Variants in ALCAM observed in about 807,000 individuals in gnomAD.
ALCAM encodes the protein CD166 antigen.
A neutral mutation model predicts 70.9 loss-of-function variants in ALCAM; 30 were observed. The observed-to-expected ratio is 0.42, with a 90% CI of 0.32 to 0.57. The LOEUF (loss-of-function observed/expected upper bound fraction) is 0.57. ALCAM is among the 20% of genes least tolerant of loss of function. The pLI, the probability that ALCAM is intolerant of heterozygous loss-of-function variation, is 0.11. For synonymous variants in ALCAM, 249 were observed against 242.5 expected (o/e 1.03, Z -0.25); for missense variants, 591 against 695.1 (o/e 0.85, Z 1.68).
intron 2 of ALCAM, among the ~76,000 whole-genome samples, chr3:105,523,139 C>CAAAAAAAAAAAA (rs59478384): frequency 1.1e-5 from 1 of 87,024 alleles, no homozygotes; most frequent in African/African-American, 4.9e-5. Context: ...GACTCCGTCT[C>CAAAAAAAAAAAA]AAAAAAAAAA....
chr3:105,457,578 G>A (rs1937551380), intron 1 of ALCAM, among the ~76,000 whole-genome samples: 1 of 151,934 alleles, frequency 6.6e-6, no homozygotes, highest in South Asian at 2.1e-4. Context: ...TTTTTTAAAT[G>A]TTAAGAAAAC....
chr3:105,404,478 G>T (rs551077554), intron 1 of ALCAM, among the ~76,000 whole-genome samples: 142 of 152,190 alleles, frequency 9.3e-4, no homozygotes, highest in African/African-American at 3.1e-3. Context: ...TGTATCCAGT[G>T]AAACTAAGCT....
At chr3:105,472,634 A>T (rs574912109) in intron 1 of ALCAM, among the ~76,000 whole-genome samples, 1 of 151,644 alleles carries the variant, frequency 6.6e-6, no homozygotes, top group Non-Finnish European at 1.5e-5. Flanking sequence ...GATTGTAAAC[A>T]TGAAAAGATC....
intron 1 of ALCAM, among the ~76,000 whole-genome samples, chr3:105,465,242 T>G (rs775953318): frequency 1.4e-4 from 21 of 151,416 alleles, no homozygotes; most frequent in Non-Finnish European, 2.7e-4. Flanking sequence ...AAAAACATCT[T>G]TTCTGAATTG....
chr3:105,572,585 T>C (rs1182538692), intron 15 of ALCAM, among the ~76,000 whole-genome samples: 5 of 152,202 alleles, frequency 3.3e-5, no homozygotes, highest in African/African-American at 7.2e-5. Flanking sequence ...TTATAATTCT[T>C]TGGCTATATA....
At chr3:105,465,272 A>C (rs561488140) in intron 1 of ALCAM, among the ~76,000 whole-genome samples, 1 of 151,544 alleles carries the variant, frequency 6.6e-6, no homozygotes, top group East Asian at 1.9e-4. Flanking sequence ...CGATGTGCAA[A>C]CATAAATTCG....
At chr3:105,391,027 A>C (rs555782178) in intron 1 of ALCAM, among the ~76,000 whole-genome samples, 2 of 151,950 alleles carry the variant, frequency 1.3e-5, no homozygotes. Flanking sequence ...GTCAAGCAGC[A>C]TGATGCCTCC....
chr3:105,441,428 C>T (rs1490579114), intron 1 of ALCAM, among the ~76,000 whole-genome samples: 1 of 152,094 alleles, frequency 6.6e-6, no homozygotes, highest in African/African-American at 2.4e-5. Flanking sequence ...GAGAACATTG[C>T]CACCTTATTC....
intron 1 of ALCAM, among the ~76,000 whole-genome samples, chr3:105,405,997 A>G (rs1342975324): frequency 2.0e-5 from 3 of 152,200 alleles, no homozygotes; most frequent in African/African-American, 7.2e-5. Context: ...CCTGGAAATT[A>G]TCACTAGACC....
rs766954758 is a variant in ALCAM at position 105,534,840 on chromosome 3, T to C, written c.725T>C (p.Ile242Thr). The C allele has an allele frequency of 5.6e-6, 9 of 1,608,108 alleles. No individual in the cohort carries two copies. Among genetic ancestry groups the C allele is most frequent in the Non-Finnish European group, 6.8e-6 (8 of 1,176,494 alleles). ...TIHSEQAVFDIYYPTEQVTIQ... is the reference protein window; with the variant it reads ...TIHSEQAVFDTYYPTEQVTIQ... ...CATTCTGAACAGGCAGTATTTGATA[T>C]TTACTGTAAGTAATTCAATATATAA... is the stretch of plus-strand genomic sequence containing the variant. The change falls in exon 6 of 16, where the codon ATT (isoleucine) becomes ACT (threonine). Residue 242 changes from isoleucine (I) to threonine (T), a missense_variant. Transcript: ENST00000306107.
chr3:105,525,371 A>G, intron 3 of ALCAM: 4 of 979,952 alleles, frequency 4.1e-6, no homozygotes, highest in Non-Finnish European at 4.8e-6. Context: ...AAAGTATTTC[A>G]TCTTTTAAAA....
rs1935097920 is a variant in ALCAM at position 105,367,582 on chromosome 3, G to A, written c.73+101G>A. On this transcript the variant is annotated intron_variant, in intron 1 of 15. Coordinates refer to ENST00000306107, the MANE Select transcript of ALCAM (RefSeq NM_001627.4). The stretch of plus-strand genomic sequence containing the variant: ...CACCCCCGAGGCAGTGCGCCCAGGC[G>A]CGTGGTGGAGGTAAGGGGACCGCTG... The A allele has an allele frequency of 5.0e-6, 7 of 1,399,878 alleles. No homozygotes were observed. In the Admixed American group the frequency reaches 7.4e-5, roughly 15 times the overall value. The allele number at this position is 1,399,878 out of a possible 1,614,324, so 86.7% of individuals were successfully genotyped here.
chr3:105,472,190 CTTTG>C (rs1022530960), intron 1 of ALCAM, among the ~76,000 whole-genome samples: 7 of 150,842 alleles, frequency 4.6e-5, no homozygotes, highest in African/African-American at 9.7e-5. Flanking sequence ...TTGTTTGTTT[CTTTG>C]TTTGTTTGTT....
At position 105,366,934 on chromosome 3, in the gene ALCAM, C is replaced by A; in HGVS notation, c.-475C>A. On this transcript the variant is annotated 5_prime_UTR_variant, in exon 1 of 16. Transcript: ENST00000306107. ...AGAGCAGCCCGGAGACCGCTGCCGC[C>A]GCTGCCGCTGCTACCACCGCTGCCA... 1 of 161,164 alleles carries A rather than the reference C, an allele frequency of 6.2e-6. No homozygotes were observed. The highest frequency in any genetic ancestry group is 1.4e-4 in the South Asian group (1 of 7,200). 10.0% of individuals were successfully genotyped at this position (161,164 alleles called of 1,614,324 possible).
In ALCAM at chr3:105,520,253, TAACCTA is replaced by T. The variant is rs1289816881; in HGVS notation, c.174+89_174+94del. 5.4e-5 allele frequency: 52 copies of T among 962,148 alleles called. No individual in the cohort carries two copies. The East Asian group carries it at 1.1e-3, about 21-fold the overall frequency. 59.6% of individuals were successfully genotyped at this position (962,148 alleles called of 1,614,324 possible). ...CTGTGAGTAACTGTGAATTTCAAATTAACCTAAATGCAATATTAAACTGTGAGTACA... is the reference window on the plus strand; with the variant it reads ...CTGTGAGTAACTGTGAATTTCAAATTAATGCAATATTAAACTGTGAGTACA... On this transcript the variant is annotated intron_variant, in intron 2 of 15. Transcript: ENST00000306107.
chr3:105,449,416 G>A (rs1042070359), intron 1 of ALCAM, among the ~76,000 whole-genome samples: 4 of 152,186 alleles, frequency 2.6e-5, no homozygotes, highest in East Asian at 1.9e-4. Flanking sequence ...TATAGCAGGT[G>A]GATATTTCCA....
At chr3:105,538,233 G>T (rs183052653) in intron 6 of ALCAM, among the ~76,000 whole-genome samples, 3 of 152,200 alleles carry the variant, frequency 2.0e-5, no homozygotes, top group Admixed American at 2.0e-4. Context: ...ACATGGACTA[G>T]GGAAGTGTTA....
At chr3:105,563,321 G>C (rs900409942) in intron 14 of ALCAM, among the ~76,000 whole-genome samples, 2 of 150,082 alleles carry the variant, frequency 1.3e-5, no homozygotes, top group Non-Finnish European at 3.0e-5. Flanking sequence ...ATCTTTCTTA[G>C]TCTTTATAGG....
intron 1 of ALCAM, among the ~76,000 whole-genome samples, chr3:105,430,839 A>C (rs1168549449): frequency 1.3e-5 from 2 of 152,072 alleles, no homozygotes; most frequent in African/African-American, 2.4e-5. Context: ...TCCATTTTAA[A>C]ATGTATTTAA....
Sources: gnomAD v4.1 joint callset for allele counts (sites outside exome capture counted in the v4.1 genomes callset) on GRCh38, gnomAD v4.1.1 for gene constraint, MANE v1.5 for transcripts, NCBI Gene and HGNC (gene_info 2026-07-23, HGNC 2026-07-21) for gene names.